Variants in PON1 observed in about 807,000 individuals in gnomAD.
The protein encoded by PON1 is paraoxonase 1, also known as serum paraoxonase/arylesterase 1.
PON1 carries 37 observed loss-of-function variants against 39.2 expected under a neutral mutation model. That is an observed-to-expected ratio of 0.94 (90% CI 0.73 to 1.24). The LOEUF is 1.24. PON1 is among the 50% of genes most tolerant of loss of function. The pLI is 0.00. For missense variants in PON1, 397 were observed against 413.5 expected (o/e 0.96, Z 0.35); for synonymous variants, 148 against 152.2 (o/e 0.97, Z 0.21).
At chr7:95,319,337 T>C (rs1372684754) in intron 1 of PON1, among the ~76,000 whole-genome samples, 1 of 152,088 alleles carries the variant, frequency 6.6e-6, no homozygotes, top group Non-Finnish European at 1.5e-5. Flanking sequence ...TGGTACAAAA[T>C]GATAGGAATT....
At chr7:95,317,586 A>G (rs1434993179) in intron 2 of PON1, among the ~76,000 whole-genome samples, 2 of 141,162 alleles carry the variant, frequency 1.4e-5, no homozygotes, top group Non-Finnish European at 1.6e-5. Flanking sequence ...AAAAAAAAAA[A>G]AAAAAAAGAA....
chr7:95,317,573 C>CAAAAAAAAAAAAAAAAAAAAAAAAA (rs869140411), intron 2 of PON1, among the ~76,000 whole-genome samples: 2 of 46,864 alleles, frequency 4.3e-5, no homozygotes, highest in African/African-American at 6.7e-5. Context: ...TCTAAAAGAA[C>CAAAAAAAAAAAAAAAAAAAAAAAAA]AAAAAAAAAA....
At chr7:95,317,013 T>C (rs545198244) in intron 2 of PON1, among the ~76,000 whole-genome samples, 35 of 152,366 alleles carry the variant, frequency 2.3e-4, no homozygotes, top group Non-Finnish European at 4.4e-4. Flanking sequence ...ACACTTAGTA[T>C]ATTTGTTTTA....
intron 8 of PON1, 118 bp downstream of exon 8, chr7:95,302,087 A>ACT (rs1300685428): frequency 1.6e-5 from 16 of 993,246 alleles, no homozygotes; most frequent in Non-Finnish European, 2.2e-5. Context: ...ACAGAGCGAT[A>ACT]CTCTGTCACA....
At position 95,311,497 on chromosome 7, in the gene PON1, T is replaced by G; in HGVS notation, c.451A>C (p.Lys151Gln). Reference protein sequence around the residue: ...VELFKFQEEEKSLLHLKTIRH... With the variant: ...VELFKFQEEEQSLLHLKTIRH... Reference sequence around the variant, plus strand: ...ATGGTTTTTAGATGCAAAAGCGATTTTTCTTCTTCTTGAAATTTAAACAAC... The same window carrying G: ...ATGGTTTTTAGATGCAAAAGCGATTGTTCTTCTTCTTGAAATTTAAACAAC... Residue 151 changes from lysine to glutamine, a missense_variant, in exon 5 of 9, where the codon AAA becomes CAA. By Grantham distance (53) the Lys-to-Gln change is moderately conservative. Transcript: ENST00000222381. 1.2e-6 allele frequency: 2 copies of G among 1,614,172 alleles called. No individual in the cohort carries two copies. Among genetic ancestry groups the G allele is most frequent in the Non-Finnish European group, 1.7e-6 (2 of 1,179,986 alleles).
chr7:95,303,340 A>G (rs1807473105), intron 7 of PON1, among the ~76,000 whole-genome samples: 1 of 141,030 alleles, frequency 7.1e-6, no homozygotes, highest in African/African-American at 2.9e-5. Context: ...GACAGGCAAG[A>G]CAGGCGGCTC....
Position 95,298,869 on chromosome 7 carries a change from C to T in PON1, c.*75G>A. On this transcript the variant is annotated 3_prime_UTR_variant, in exon 9 of 9. Transcript: ENST00000222381. ...TCAGCATTCATTGTTCAGCTAAGAACACTGGGTCCTCGGAATATGGCAAGC... is the reference window on the plus strand; with the variant it reads ...TCAGCATTCATTGTTCAGCTAAGAATACTGGGTCCTCGGAATATGGCAAGC... 6.4e-7 allele frequency: 1 copy of T among 1,563,312 alleles called. No homozygotes were observed. The highest frequency in any genetic ancestry group is 8.8e-7 in the Non-Finnish European group (1 of 1,134,478).
At chr7:95,307,937 T>TA (rs1384067850) in intron 6 of PON1, 74 bp downstream of exon 6, 5 of 1,388,180 alleles carry the variant, frequency 3.6e-6, no homozygotes, top group Non-Finnish European at 5.1e-6. Context: ...TCATATTACT[T>TA]AAAAAAAGAA....
intron 4 of PON1, among the ~76,000 whole-genome samples, chr7:95,312,119 T>C (rs900418419): frequency 1.1e-4 from 16 of 152,268 alleles, no homozygotes; most frequent in African/African-American, 3.6e-4. Flanking sequence ...AAGTAAAAGT[T>C]AGATTATGGT....
chr7:95,307,584 G>A (rs982581318), intron 6 of PON1, among the ~76,000 whole-genome samples: 3 of 152,064 alleles, frequency 2.0e-5, no homozygotes, highest in Non-Finnish European at 4.4e-5. Flanking sequence ...AAACTGACTT[G>A]TTTTTCACAG....
At chr7:95,307,225 A>G (rs982165096) in intron 6 of PON1, among the ~76,000 whole-genome samples, 2 of 151,624 alleles carry the variant, frequency 1.3e-5, no homozygotes, top group African/African-American at 4.8e-5. Flanking sequence ...ACGCCTGGCT[A>G]ATTTTTGTAT....
chr7:95,305,743 C>G (rs980867441), intron 7 of PON1, among the ~76,000 whole-genome samples: 1 of 152,008 alleles, frequency 6.6e-6, no homozygotes, highest in African/African-American at 2.4e-5. Context: ...GTGCCCCGTT[C>G]TGAGACAGTG....
intron 7 of PON1, among the ~76,000 whole-genome samples, chr7:95,305,446 A>G (rs1419106912): frequency 6.6e-6 from 1 of 152,218 alleles, no homozygotes; most frequent in Non-Finnish European, 1.5e-5. Flanking sequence ...AGTGCCAACT[A>G]GTCAATGTGA....
At position 95,308,039 on chromosome 7, in the gene PON1, T is replaced by G. The variant is rs1236786142; in HGVS notation, c.670A>C (p.Asn224His). The change falls in exon 6 of 9, where the codon AAT becomes CAT. Residue 224 changes from asparagine to histidine, a missense_variant. Transcript: ENST00000222381. ...CCATCGGGTGAAATGTTGATTCCAT[T>G]AGCAAAATCAAATCCTTCTGCCACC... The part of the protein sequence containing the change: ...RVVAEGFDFA[N>H]GINISPDGKY... The G allele has an allele frequency of 6.2e-7, 1 of 1,614,106 alleles. No individual in the cohort carries two copies.
chr7:95,311,603 G>A (rs779024450), intron 4 of PON1, 26 bp from the exon 5 acceptor site: 9 of 1,613,710 alleles, frequency 5.6e-6, no homozygotes, highest in Admixed American at 1.7e-5. Flanking sequence ...AAACAAAAAT[G>A]AAACATTAAC....
At chr7:95,302,424 TC>T in intron 7 of PON1, 91 bp from the exon 8 acceptor site, 2 of 1,171,656 alleles carry the variant, frequency 1.7e-6, no homozygotes, top group Non-Finnish European at 2.5e-6. Context: ...TTGCCTCTTG[TC>T]CTTGGTCACC....
At chr7:95,324,362 G>A (rs746221699) in intron 1 of PON1, 40 bp downstream of exon 1, 17 of 1,592,876 alleles carry the variant, frequency 1.1e-5, no homozygotes, top group Non-Finnish European at 1.5e-5. Context: ...CAGGGAGTGA[G>A]GAGGACGAAG....
At chr7:95,303,974 C>A (rs1038099356) in intron 7 of PON1, among the ~76,000 whole-genome samples, 1 of 152,074 alleles carries the variant, frequency 6.6e-6, no homozygotes, top group Non-Finnish European at 1.5e-5. Context: ...TTATTTCTAT[C>A]GTGGTAAAAT....
intron 5 of PON1, among the ~76,000 whole-genome samples, chr7:95,308,611 A>C (rs1019542798): frequency 7.2e-5 from 11 of 152,162 alleles, no homozygotes; most frequent in Middle Eastern, 3.2e-3. Flanking sequence ...ATCTGGGCTC[A>C]CATAGAACTA....
Sources: gnomAD v4.1 joint callset for allele counts (sites outside exome capture counted in the v4.1 genomes callset) on GRCh38, gnomAD v4.1.1 for gene constraint, MANE v1.5 for transcripts, NCBI Gene and HGNC (gene_info 2026-07-23, HGNC 2026-07-21) for gene names.